TRIB3: variants seen among roughly 807,000 people sequenced by gnomAD.
TRIB3 encodes tribbles pseudokinase 3, also known as tribbles homolog 3.
In TRIB3, 20 loss-of-function variants were observed where a neutral mutation model predicts 16.6. The observed-to-expected ratio is 1.20, with a 90% CI of 0.85 to 1.75. The LOEUF (loss-of-function observed/expected upper bound fraction) is 1.75, where lower values mean the gene tolerates loss of function less well. Ranked by LOEUF, TRIB3 falls within the 40% of genes most tolerant of loss-of-function variation. TRIB3 has a pLI of 0.00. For synonymous variants in TRIB3, 208 were observed against 217.0 expected, an observed-to-expected ratio of 0.96 and a Z score of 0.36; for missense variants, 484 against 488.9, an observed-to-expected ratio of 0.99 and a Z score of 0.10.
chr20:393,235 C>T (rs1391179380), intron 3 of TRIB3, among the ~76,000 whole-genome samples: 1 of 152,194 alleles, frequency 6.6e-6, no homozygotes, highest in Admixed American at 6.5e-5. Context: ...GTGCAGGATC[C>T]AGTGAGGATC....
intron 3 of TRIB3, 125 bp downstream of exon 3, chr20:391,704 C>T: frequency 1.6e-6 from 2 of 1,283,028 alleles, no homozygotes; most frequent in Non-Finnish European, 2.1e-6. Flanking sequence ...AAGTAACCAG[C>T]AGCCCCTGTT....
chr20:392,021 C>CAA (rs573401145), intron 3 of TRIB3, among the ~76,000 whole-genome samples: 2 of 113,996 alleles, frequency 1.8e-5, no homozygotes, highest in Non-Finnish European at 3.7e-5. Flanking sequence ...GATTCCATCT[C>CAA]AAAAAAAAAA....
chr20:385,419 T>TC (rs2014777946), intron 1 of TRIB3: 1 of 151,804 alleles, frequency 6.6e-6, no homozygotes, highest in Admixed American at 6.6e-5. Flanking sequence ...GGCCTATTTT[T>TC]TTTTTTTTTT....
chr20:395,902 A>T lies in TRIB3; in HGVS notation c.585-296A>T, dbSNP rs11906519. ...GGACCCTAAGTTTGTAGCTGGTTTA[A>T]GAGAGGCTTAACCCTCTCAGCCCCA... is the stretch of plus-strand genomic sequence containing the variant. On this transcript the variant is annotated intron_variant, in intron 3 of 3. Coordinates refer to ENST00000217233, the MANE Select transcript of TRIB3 (RefSeq NM_021158.5). Among the ~76,000 whole-genome samples, 1,203 of 152,310 alleles carry T rather than the reference A, an allele frequency of 7.9e-3. 11 individuals carry two copies. Among genetic ancestry groups the T allele is most frequent in the African/African-American group, 0.027 (1,120 of 41,560 alleles).
At chr20:395,151 G>A (rs1600256756) in intron 3 of TRIB3, among the ~76,000 whole-genome samples, 1 of 145,252 alleles carries the variant, frequency 6.9e-6, no homozygotes, top group African/African-American at 2.6e-5. Context: ...AATTGCAAAT[G>A]GCAGGACACA....
intron 3 of TRIB3, among the ~76,000 whole-genome samples, chr20:393,660 T>A (rs2015040147): frequency 6.6e-6 from 1 of 152,246 alleles, no homozygotes; most frequent in South Asian, 2.1e-4. Context: ...TTACTTTGTA[T>A]GTCCCTCAAT....
chr20:389,851 AG>A (rs1400732518), intron 2 of TRIB3, among the ~76,000 whole-genome samples: 2 of 152,228 alleles, frequency 1.3e-5, no homozygotes, highest in African/African-American at 4.8e-5. Flanking sequence ...TTTTCTGGTC[AG>A]TGTGTAGAAA....
chr20:391,578 A>G lies in TRIB3; in HGVS notation c.583A>G (p.Arg195Gly), dbSNP rs2014982369. Residue 195 changes from arginine (R) to glycine (G), a missense_variant and splice_region_variant, in exon 3 of 4, where the codon AGG becomes GGG. Coordinates refer to ENST00000217233, the MANE Select transcript of TRIB3 (RefSeq NM_021158.5). ...TCGCTTTGTCTTCGCTGACCGTGAG[A>G]GGTGAGTGTGGTCTCAGAGACCCCA... ...LCRFVFADRE[R>G]KKLVLENLED... The G allele has an allele frequency of 6.2e-7, 1 of 1,604,864 alleles. No individual in the cohort carries two copies.
At chr20:395,316 C>T (rs2015095886) in intron 3 of TRIB3, among the ~76,000 whole-genome samples, 1 of 151,924 alleles carries the variant, frequency 6.6e-6, no homozygotes, top group South Asian at 2.1e-4. Context: ...TGCGAATCAC[C>T]ATGCCTGCTA....
intron 3 of TRIB3, among the ~76,000 whole-genome samples, chr20:394,776 A>G (rs1469374045): frequency 6.6e-6 from 1 of 151,052 alleles, no homozygotes; most frequent in African/African-American, 2.4e-5. Flanking sequence ...GCAGAGTGAG[A>G]CCCTATCTCT....
At chr20:396,138 G>A in intron 3 of TRIB3, 60 bp from the exon 4 acceptor site, 2 of 1,554,316 alleles carry the variant, frequency 1.3e-6, no homozygotes, top group Middle Eastern at 2.3e-4. Context: ...TGATAGCATG[G>A]GGTGGTGGCA....
chr20:386,116 G>A (rs1455414329), intron 1 of TRIB3, among the ~76,000 whole-genome samples: 1 of 152,058 alleles, frequency 6.6e-6, no homozygotes. Flanking sequence ...TTCCCACCAT[G>A]GCCTTCCAAA....
At chr20:382,478 A>G (rs2014688306) in intron 1 of TRIB3, 1 of 1,507,338 alleles carries the variant, frequency 6.6e-7, no homozygotes, top group Non-Finnish European at 8.9e-7. Context: ...CGTGACTCAG[A>G]ACAGCCTTGA....
chr20:382,686 A>T, intron 1 of TRIB3: 1 of 1,109,028 alleles, frequency 9.0e-7, no homozygotes, highest in East Asian at 2.6e-5. Flanking sequence ...AAAACCTGTA[A>T]GCTTTGCATC....
At chr20:387,523 T>C (rs761274863) in intron 1 of TRIB3, among the ~76,000 whole-genome samples, 1 of 151,112 alleles carries the variant, frequency 6.6e-6, no homozygotes, top group Non-Finnish European at 1.5e-5. Flanking sequence ...AGGCCACGAG[T>C]TTGAGACCAG....
At chr20:392,270 G>A (rs2015001503) in intron 3 of TRIB3, among the ~76,000 whole-genome samples, 1 of 152,126 alleles carries the variant, frequency 6.6e-6, no homozygotes, top group Admixed American at 6.6e-5. Context: ...GTAGAGCTGG[G>A]ATTTGAACCT....
intron 1 of TRIB3, among the ~76,000 whole-genome samples, chr20:383,794 C>CG (rs972112041): frequency 2.6e-5 from 4 of 152,078 alleles, no homozygotes; most frequent in African/African-American, 9.7e-5. Context: ...TACCTTTTAT[C>CG]CTCCCACTAG....
At position 391,507 on chromosome 20, in the gene TRIB3, C is replaced by T. The variant is rs148545501; in HGVS notation, c.512C>T (p.Ala171Val). Residue 171 changes from alanine to valine, a missense_variant, in exon 3 of 4, where the codon GCG becomes GTG. Physicochemically the swap from Ala to Val is moderately conservative, Grantham distance 64 (BLOSUM62 0). Coordinates refer to ENST00000217233, the MANE Select transcript of TRIB3 (RefSeq NM_021158.5). ...TTCCGCCAGATGGCCACCGCCCTGG[C>T]GCACTGTCACCAGCACGGTCTGGTC... The part of the protein sequence containing the change: ...VLFRQMATAL[A>V]HCHQHGLVLR... The T allele has an allele frequency of 1.1e-5, 18 of 1,613,746 alleles. No individual in the cohort carries two copies. Among genetic ancestry groups the T allele is most frequent in the East Asian group, 6.7e-5 (3 of 44,884 alleles).
At position 381,082 on chromosome 20, in the gene TRIB3, A is replaced by T. The variant is rs1470163073; in HGVS notation, c.-88A>T. 2.6e-5 allele frequency: 4 copies of T among 152,096 alleles called. No individual in the cohort carries two copies. The highest frequency in any genetic ancestry group is 2.6e-4 in the Admixed American group (4 of 15,280). 9.4% of individuals were successfully genotyped at this position (152,096 alleles called of 1,614,324 possible). ...GCTGGGCTGGGATCCCGAGCTCGGC[A>T]GCAGCGCAGCGGGCCGGCCCACCTG... On this transcript the variant is annotated 5_prime_UTR_variant, in exon 1 of 4. Transcript: ENST00000217233.
Sources: allele counts gnomAD v4.1 joint callset (sites outside exome capture counted in the v4.1 genomes callset), GRCh38; gene constraint gnomAD v4.1.1; transcripts MANE v1.5; gene names NCBI Gene and HGNC (gene_info 2026-07-23, HGNC 2026-07-21).